The following DLGAP1 variants were observed in gnomAD, a reference collection of about 807,000 sequenced individuals.
The protein encoded by DLGAP1 is disks large-associated protein 1.
In DLGAP1, 11 loss-of-function variants were observed where a neutral mutation model predicts 90.8. The ratio of observed to expected loss-of-function variants is 0.12; its 90% confidence interval spans 0.08 to 0.20. DLGAP1 has a LOEUF of 0.20. DLGAP1 is among the 10% of genes least tolerant of loss of function. DLGAP1 has a pLI of 1.00. For missense variants in DLGAP1, 1,050 were observed against 1,333.8 expected, an observed-to-expected ratio of 0.79 and a Z score of 3.31; for synonymous variants, 558 against 540.7, an observed-to-expected ratio of 1.03 and a Z score of -0.44.
intron 1 of DLGAP1, among the ~76,000 whole-genome samples, chr18:4,447,731 T>C (rs2083703161): frequency 1.3e-5 from 2 of 152,170 alleles, no homozygotes; most frequent in South Asian, 2.1e-4. Context: ...AAGAGTCAAA[T>C]ATTGCTTGAA....
intron 4 of DLGAP1, among the ~76,000 whole-genome samples, chr18:3,870,134 T>C (rs543147105): frequency 6.6e-6 from 1 of 152,310 alleles, no homozygotes; most frequent in South Asian, 2.1e-4. Context: ...AATGCAGTTC[T>C]GGGATTGATC....
chr18:4,141,780 T>C (rs768740818), intron 2 of DLGAP1, among the ~76,000 whole-genome samples: 2 of 151,936 alleles, frequency 1.3e-5, no homozygotes, highest in Non-Finnish European at 2.9e-5. Flanking sequence ...AGTATGTCAA[T>C]TGCACTTTTC....
chr18:3,581,494 G>A (rs1010170237), intron 8 of DLGAP1, among the ~76,000 whole-genome samples: 26 of 151,986 alleles, frequency 1.7e-4, no homozygotes, highest in African/African-American at 5.8e-4. Flanking sequence ...TCTTTGTTCT[G>A]CTGTTCTGCC....
At chr18:3,686,572 T>C (rs1165034315) in intron 7 of DLGAP1, among the ~76,000 whole-genome samples, 1 of 152,242 alleles carries the variant, frequency 6.6e-6, no homozygotes, top group African/African-American at 2.4e-5. Context: ...CCTGAGATTT[T>C]TTCTTTTGTC....
intron 1 of DLGAP1, among the ~76,000 whole-genome samples, chr18:4,344,144 G>A (rs954938292): frequency 6.6e-6 from 1 of 152,178 alleles, no homozygotes; most frequent in African/African-American, 2.4e-5. Flanking sequence ...AGTTAAGAAT[G>A]CATTTAAGAA....
intron 1 of DLGAP1, among the ~76,000 whole-genome samples, chr18:4,433,242 G>A (rs2083329170): frequency 6.6e-6 from 1 of 152,230 alleles, no homozygotes. Flanking sequence ...ATTTCTGTGA[G>A]TCTCAATTTA....
intron 1 of DLGAP1, among the ~76,000 whole-genome samples, chr18:4,356,310 C>T (rs2144043371): frequency 6.6e-6 from 1 of 152,064 alleles, no homozygotes; most frequent in East Asian, 1.9e-4. Flanking sequence ...CTATTTTATA[C>T]CTCTAGTCCA....
chr18:3,788,728 A>G (rs1019048075), intron 5 of DLGAP1, among the ~76,000 whole-genome samples: 4 of 152,224 alleles, frequency 2.6e-5, no homozygotes, highest in African/African-American at 9.7e-5. Context: ...CTTTTGCCAT[A>G]TAATGTAGCC....
Position 3,909,258 on chromosome 18 carries a change from T to C in DLGAP1, c.-72-29118A>G, listed in dbSNP as rs1044200779. Among the ~76,000 whole-genome samples, 9 of 152,306 alleles carry C rather than the reference T, an allele frequency of 5.9e-5. No individual in the cohort carries two copies. In the East Asian group the frequency reaches 1.7e-3, roughly 29 times the overall value. On this transcript the variant is annotated intron_variant, in intron 3 of 12. Coordinates refer to ENST00000315677, the MANE Select transcript of DLGAP1 (RefSeq NM_004746.4). ...GACTTTCTACCATAGGTAAGAAAGA[T>C]TGCTTAGGGTCATGGCCTACAGGTT...
intron 7 of DLGAP1, among the ~76,000 whole-genome samples, chr18:3,672,006 C>T: frequency 6.6e-6 from 1 of 151,882 alleles, no homozygotes; most frequent in Admixed American, 6.6e-5. Flanking sequence ...TTACAATTTT[C>T]TGCAATGAGA....
chr18:4,180,449 C>T (rs2077187666), intron 1 of DLGAP1, among the ~76,000 whole-genome samples: 1 of 152,152 alleles, frequency 6.6e-6, no homozygotes, highest in Non-Finnish European at 1.5e-5. Flanking sequence ...GTTGCTCTAT[C>T]AGGAACTGCA....
chr18:4,428,528 A>G (rs1336274427), intron 1 of DLGAP1, among the ~76,000 whole-genome samples: 1 of 152,030 alleles, frequency 6.6e-6, no homozygotes, highest in East Asian at 1.9e-4. Context: ...GTTGCAGCGA[A>G]CCGAGATCAC....
chr18:4,011,535 G>A (rs1053902325), intron 2 of DLGAP1, among the ~76,000 whole-genome samples: 4 of 151,866 alleles, frequency 2.6e-5, no homozygotes, highest in Non-Finnish European at 2.9e-5. Flanking sequence ...CAGTCCTCTG[G>A]GCTGGGCATG....
intron 1 of DLGAP1, among the ~76,000 whole-genome samples, chr18:4,299,847 A>C (rs1291923289): frequency 6.6e-6 from 1 of 152,192 alleles, no homozygotes; most frequent in African/African-American, 2.4e-5. Flanking sequence ...GTTTTTAACT[A>C]TTTATCACAA....
At chr18:4,161,458 A>T (rs1598512593) in intron 1 of DLGAP1, among the ~76,000 whole-genome samples, 1 of 152,094 alleles carries the variant, frequency 6.6e-6, no homozygotes, top group Admixed American at 6.5e-5. Flanking sequence ...ATTCCATGGT[A>T]TATATGTACC....
chr18:4,442,730 C>T (rs2083565866), intron 1 of DLGAP1, among the ~76,000 whole-genome samples: 1 of 152,172 alleles, frequency 6.6e-6, no homozygotes, highest in African/African-American at 2.4e-5. Context: ...AGGAATCTAT[C>T]AGAGCACAGT....
At chr18:4,285,985 A>T (rs1479935681) in intron 1 of DLGAP1, among the ~76,000 whole-genome samples, 1 of 152,202 alleles carries the variant, frequency 6.6e-6, no homozygotes, top group Admixed American at 6.5e-5. Context: ...CCGGACTGAT[A>T]GTAAAATTAC....
At chr18:4,071,452 T>C (rs1279189985) in intron 2 of DLGAP1, among the ~76,000 whole-genome samples, 3 of 152,180 alleles carry the variant, frequency 2.0e-5, no homozygotes, top group Non-Finnish European at 4.4e-5. Flanking sequence ...TTCAAAATGC[T>C]TTATAATTTC....
At chr18:3,521,797 A>T (rs1362481690) in intron 10 of DLGAP1, among the ~76,000 whole-genome samples, 1 of 152,200 alleles carries the variant, frequency 6.6e-6, no homozygotes, top group Non-Finnish European at 1.5e-5. Flanking sequence ...CCACTGAAGG[A>T]ATATGCTTTG....
Sources: allele counts gnomAD v4.1 joint callset (sites outside exome capture counted in the v4.1 genomes callset), GRCh38; gene constraint gnomAD v4.1.1; transcripts MANE v1.5; gene names NCBI Gene and HGNC (gene_info 2026-07-23, HGNC 2026-07-21).